Variants in KHDRBS2 observed in about 807,000 individuals in gnomAD.
KHDRBS2 encodes KH RNA binding domain containing, signal transduction associated 2, also known as KH domain-containing, RNA-binding, signal transduction-associated protein 2.
In KHDRBS2, 26 loss-of-function variants were observed where a neutral mutation model predicts 44.3. The observed-to-expected ratio is 0.59, with a 90% confidence interval of 0.43 to 0.81. The LOEUF (loss-of-function observed/expected upper bound fraction) is 0.81. KHDRBS2 is among the 40% of genes least tolerant of loss of function. KHDRBS2 has a pLI of 0.00. For synonymous variants in KHDRBS2, 194 were observed against 151.1 expected (o/e 1.28, Z -2.08); for missense variants, 476 against 433.1 (o/e 1.10, Z -0.88).
intron 7 of KHDRBS2, among the ~76,000 whole-genome samples, chr6:61,729,638 C>G (rs1418178324): frequency 6.6e-6 from 1 of 152,132 alleles, no homozygotes; most frequent in African/African-American, 2.4e-5. Context: ...AGCCATTCCA[C>G]AATCTGTGTA....
chr6:61,600,233 A>G, the KHDRBS2 span, among the ~76,000 whole-genome samples: 1 of 152,168 alleles, frequency 6.6e-6, no homozygotes, highest in Admixed American at 6.5e-5. Context: ...CTTGTGACCT[A>G]CATGTATACA....
intron 3 of KHDRBS2, among the ~76,000 whole-genome samples, chr6:62,003,548 A>G (rs1053783190): frequency 3.9e-5 from 6 of 152,196 alleles, no homozygotes; most frequent in African/African-American, 1.4e-4. Flanking sequence ...AGAGACTTAG[A>G]CTCCACACAA....
At chr6:62,229,913 T>C (rs1030673774) in intron 1 of KHDRBS2, among the ~76,000 whole-genome samples, 1 of 152,198 alleles carries the variant, frequency 6.6e-6, no homozygotes, top group Non-Finnish European at 1.5e-5. Context: ...GATGGGAGCC[T>C]CCAATCTCTG....
rs535130146 is a variant in KHDRBS2, at chr6:62,169,509, C to A, written c.219+7676G>T. ...GAACACTGACCCAACGAGCTGATCA[C>A]TTAAGAAATCGCTTTGGGATCCATC... On this transcript the variant is annotated intron_variant, in intron 2 of 8. Coordinates refer to ENST00000281156, the MANE Select transcript of KHDRBS2 (RefSeq NM_152688.4). 2.0e-5 allele frequency among the ~76,000 whole-genome samples: 3 copies of A among 152,056 alleles called. No individual in the cohort carries two copies. In the South Asian group the frequency reaches 6.3e-4, roughly 32 times the overall value.
intron 2 of KHDRBS2, among the ~76,000 whole-genome samples, chr6:62,103,202 T>C (rs1802300601): frequency 6.6e-6 from 1 of 152,102 alleles, no homozygotes; most frequent in African/African-American, 2.4e-5. Flanking sequence ...CAGTCATCCC[T>C]GACTTGAAGA....
At chr6:62,099,452 C>A (rs574729327) in intron 2 of KHDRBS2, among the ~76,000 whole-genome samples, 1 of 152,238 alleles carries the variant, frequency 6.6e-6, no homozygotes, top group African/African-American at 2.4e-5. Flanking sequence ...ATCCCATATC[C>A]TCGGTTGGTG....
chr6:61,990,612 GAAT>G (rs1299364054), intron 3 of KHDRBS2, among the ~76,000 whole-genome samples: 1 of 151,874 alleles, frequency 6.6e-6, no homozygotes, highest in Non-Finnish European at 1.5e-5. Context: ...GAAATAAGAA[GAAT>G]AACATCTTCT....
chr6:61,927,006 T>A (rs1317413490), intron 4 of KHDRBS2, among the ~76,000 whole-genome samples: 1 of 152,036 alleles, frequency 6.6e-6, no homozygotes, highest in Non-Finnish European at 1.5e-5. Context: ...TTAGCAATCA[T>A]CTAGTGCTTA....
chr6:61,770,379 A>G (rs1273799124), intron 6 of KHDRBS2, among the ~76,000 whole-genome samples: 1 of 152,226 alleles, frequency 6.6e-6, no homozygotes, highest in African/African-American at 2.4e-5. Flanking sequence ...TAGATGATCA[A>G]ACTACTCCGA....
chr6:62,259,892 T>C (rs1838049718), intron 1 of KHDRBS2, among the ~76,000 whole-genome samples: 1 of 152,066 alleles, frequency 6.6e-6, no homozygotes, highest in Non-Finnish European at 1.5e-5. Context: ...ATGGAAAATA[T>C]GTTCAAATAC....
chr6:62,170,887 A>C (rs1420055647), intron 2 of KHDRBS2, among the ~76,000 whole-genome samples: 1 of 151,408 alleles, frequency 6.6e-6, no homozygotes, highest in African/African-American at 2.4e-5. Context: ...CCAGAATCAA[A>C]GCCAGTTGAC....
At chr6:62,222,264 G>C (rs1209808478) in intron 1 of KHDRBS2, among the ~76,000 whole-genome samples, 1 of 151,798 alleles carries the variant, frequency 6.6e-6, no homozygotes, top group African/African-American at 2.4e-5. Flanking sequence ...GAGAGAGTGG[G>C]GGTCTTGGGG....
At chr6:62,021,178 C>CAT (rs1314141266) in intron 3 of KHDRBS2, among the ~76,000 whole-genome samples, 4 of 151,858 alleles carry the variant, frequency 2.6e-5, no homozygotes, top group African/African-American at 9.7e-5. Flanking sequence ...CCAAATACCA[C>CAT]ATATTCCCAC....
intron 2 of KHDRBS2, among the ~76,000 whole-genome samples, chr6:62,091,736 G>C (rs539342641): frequency 2.0e-5 from 3 of 152,210 alleles, no homozygotes; most frequent in African/African-American, 7.2e-5. Context: ...ACACATGCTG[G>C]AGCCAGATGA....
the KHDRBS2 span, among the ~76,000 whole-genome samples, chr6:61,565,777 T>A: frequency 6.6e-6 from 1 of 152,048 alleles, no homozygotes; most frequent in Non-Finnish European, 1.5e-5. Flanking sequence ...GAAAACAGTA[T>A]GAAGATTCAA....
chr6:61,575,233 C>G, the KHDRBS2 span, among the ~76,000 whole-genome samples: 1 of 152,166 alleles, frequency 6.6e-6, no homozygotes, highest in Admixed American at 6.5e-5. Flanking sequence ...AGACTAATGT[C>G]CAGACTCTAC....
At chr6:61,626,971 G>C in the KHDRBS2 span, among the ~76,000 whole-genome samples, 3 of 152,000 alleles carry the variant, frequency 2.0e-5, no homozygotes, top group Non-Finnish European at 4.4e-5. Context: ...AATTTGGCTG[G>C]GGCCGGGCGC....
chr6:62,104,199 A>G (rs1189509436), intron 2 of KHDRBS2, among the ~76,000 whole-genome samples: 1 of 152,244 alleles, frequency 6.6e-6, no homozygotes, highest in Non-Finnish European at 1.5e-5. Flanking sequence ...TGATATCTTT[A>G]GAACACTCTA....
At chr6:61,686,023 C>T (rs1026288789) in intron 8 of KHDRBS2, among the ~76,000 whole-genome samples, 2 of 151,448 alleles carry the variant, frequency 1.3e-5, no homozygotes, top group African/African-American at 4.8e-5. Context: ...TAAAATGCCA[C>T]CTAAGAGGAA....
Sources: allele counts gnomAD v4.1 joint callset (sites outside exome capture counted in the v4.1 genomes callset), GRCh38; gene constraint gnomAD v4.1.1; transcripts MANE v1.5; gene names NCBI Gene and HGNC (gene_info 2026-07-23, HGNC 2026-07-21).